CCT6B: variants seen among roughly 807,000 people sequenced by gnomAD.
CCT6B encodes probable T-complex protein 1 subunit zeta-2.
CCT6B carries 49 observed loss-of-function variants against 61.5 expected under a neutral mutation model. That is an observed-to-expected ratio of 0.80 (90% CI 0.63 to 1.01). The LOEUF (loss-of-function observed/expected upper bound fraction) is 1.01, where lower values mean the gene tolerates loss of function less well. Among genes scored for constraint, CCT6B ranks in the 50% least tolerant of loss-of-function variants. The pLI, the probability that CCT6B is intolerant of heterozygous loss-of-function variation, is 0.00. For synonymous variants in CCT6B, 228 were observed against 214.5 expected, an observed-to-expected ratio of 1.06 and a Z score of -0.55; for missense variants, 666 against 634.7, an observed-to-expected ratio of 1.05 and a Z score of -0.53.
At chr17:34,955,461 A>G (rs1029946602) in intron 3 of CCT6B, among the ~76,000 whole-genome samples, 5 of 152,228 alleles carry the variant, frequency 3.3e-5, no homozygotes, top group Admixed American at 2.0e-4. Flanking sequence ...GAAAAGAATA[A>G]GTACACTGAT....
intron 10 of CCT6B, among the ~76,000 whole-genome samples, chr17:34,935,275 A>C (rs572099170): frequency 6.6e-6 from 1 of 152,224 alleles, no homozygotes; most frequent in African/African-American, 2.4e-5. Context: ...GATATTGTTT[A>C]ATGGGTTCAG....
chr17:34,945,655 C>T (rs917983846), intron 5 of CCT6B, among the ~76,000 whole-genome samples: 3 of 152,136 alleles, frequency 2.0e-5, no homozygotes, highest in Non-Finnish European at 4.4e-5. Context: ...CCCAATCAGC[C>T]GTTTTGTGTG....
At chr17:34,952,298 A>G (rs888801954) in intron 4 of CCT6B, among the ~76,000 whole-genome samples, 7 of 152,242 alleles carry the variant, frequency 4.6e-5, no homozygotes, top group Non-Finnish European at 7.3e-5. Context: ...AAGGCAACTG[A>G]GATAAGACCT....
Position 34,942,775 on chromosome 17 carries a change from TAAAGAG to T in CCT6B, c.725+15_725+20del, listed in dbSNP as rs1288880328. ...TTTAGAAAAAAAAATTCAAAAGTTA[TAAAGAG>T]AAAGTAACACGCACGTTTTTTCATA... On this transcript the variant is annotated intron_variant, in intron 6 of 13. Transcript: ENST00000314144. 1 of 1,554,086 alleles carries T rather than the reference TAAAGAG, an allele frequency of 6.4e-7. No individual in the cohort carries two copies. The highest frequency in any genetic ancestry group is 1.2e-5 in the South Asian group (1 of 85,932).
chr17:34,941,501 A>G (rs2090163229), intron 7 of CCT6B, among the ~76,000 whole-genome samples: 1 of 152,248 alleles, frequency 6.6e-6, no homozygotes, highest in Admixed American at 6.5e-5. Context: ...CATGGCAGAT[A>G]CAAGTTTTCT....
intron 12 of CCT6B, among the ~76,000 whole-genome samples, chr17:34,930,707 C>T (rs1428810562): frequency 6.6e-6 from 1 of 152,184 alleles, no homozygotes; most frequent in Non-Finnish European, 1.5e-5. Flanking sequence ...CCCACTACAA[C>T]ATAAGCTCCC....
At chr17:34,941,069 A>C (rs1030588656) in intron 7 of CCT6B, among the ~76,000 whole-genome samples, 3 of 152,172 alleles carry the variant, frequency 2.0e-5, no homozygotes, top group Non-Finnish European at 4.4e-5. Context: ...TAAAGGGAGT[A>C]ATATTTTAAT....
intron 4 of CCT6B, among the ~76,000 whole-genome samples, chr17:34,953,672 G>A (rs971544573): frequency 1.3e-4 from 20 of 152,016 alleles, no homozygotes; most frequent in African/African-American, 4.8e-4. Context: ...CAAAACACTG[G>A]CCAGATGTGG....
At chr17:34,954,736 G>A in intron 3 of CCT6B, 137 bp from the exon 4 acceptor site, 1 of 629,540 alleles carries the variant, frequency 1.6e-6, no homozygotes, top group Non-Finnish European at 2.6e-6. Flanking sequence ...ATTTATAAAA[G>A]TCATTTTAGT....
rs1339230520 is a variant in CCT6B, at chr17:34,939,626, C to T, written c.1056G>A (p.Glu352=). 6.3e-7 allele frequency: 1 copy of T among 1,595,042 alleles called. No individual in the cohort carries two copies. The highest frequency in any genetic ancestry group is 1.3e-5 in the African/African-American group (1 of 74,548). Residue 352 remains glutamate, a synonymous_variant, in exon 9 of 14, where the codon GAG becomes GAA. Coordinates refer to ENST00000314144, the MANE Select transcript of CCT6B (RefSeq NM_006584.4). ...TCATAGAAATACTCACTAATGTATA[C>T]TCATACACAAGACCAGCATGTCCCA... ...DCLGHAGLVY[E]YTLGEEKFTF... is the part of the protein sequence containing the mutation.
chr17:34,934,024 G>A (rs2090066928), intron 10 of CCT6B, among the ~76,000 whole-genome samples: 1 of 151,714 alleles, frequency 6.6e-6, no homozygotes, highest in Admixed American at 6.6e-5. Context: ...AGCTACTTAG[G>A]AGGCTAAGGT....
At chr17:34,944,487 T>C (rs1371954746) in intron 5 of CCT6B, 1 of 152,226 alleles carries the variant, frequency 6.6e-6, no homozygotes, top group African/African-American at 2.4e-5. Flanking sequence ...CCCATTCCCA[T>C]ATTCCCTTCT....
rs2090002223 is a variant in CCT6B at position 34,928,978 on chromosome 17, G to T, written c.1507C>A (p.Gln503Lys). The T allele has an allele frequency of 6.3e-7, 1 of 1,598,838 alleles. No homozygotes were observed. The highest frequency in any genetic ancestry group is 8.6e-7 in the Non-Finnish European group (1 of 1,167,146). Reference sequence around the variant, plus strand: ...TGAACTTACCAAGAGTGAAGAAGTTGTTTTTTTACACAATAATTATCCCAA... The same window carrying T: ...TGAACTTACCAAGAGTGAAGAAGTTTTTTTTTTACACAATAATTATCCCAA... ...GVWDNYCVKK[Q>K]LLHSCTVIAT... Residue 503 changes from glutamine (Q) to lysine (K), a missense_variant, in exon 13 of 14, where the codon CAA (glutamine) becomes AAA (lysine). Physicochemically the swap from Gln to Lys is moderately conservative, Grantham distance 53. Transcript: ENST00000314144.
At chr17:34,933,167 ATC>A (rs769927380) in intron 10 of CCT6B, among the ~76,000 whole-genome samples, 9 of 152,186 alleles carry the variant, frequency 5.9e-5, no homozygotes, top group Non-Finnish European at 1.3e-4. Flanking sequence ...TTAGACCAAG[ATC>A]ATTTGTCTAG....
At chr17:34,950,364 G>C (rs1387020099) in intron 5 of CCT6B, among the ~76,000 whole-genome samples, 9 of 152,048 alleles carry the variant, frequency 5.9e-5, no homozygotes, top group Admixed American at 5.9e-4. Context: ...TAAAGAGAAA[G>C]ACACTGTGAA....
intron 7 of CCT6B, among the ~76,000 whole-genome samples, chr17:34,941,642 TTGTC>T (rs756857468): frequency 2.0e-5 from 3 of 152,206 alleles, no homozygotes; most frequent in Non-Finnish European, 4.4e-5. Context: ...TAACCACAGT[TTGTC>T]TGTCAGTCAT....
chr17:34,940,570 G>T lies in CCT6B; in HGVS notation c.937C>A (p.Leu313Ile). Residue 313 changes from leucine (L) to isoleucine (I), a missense_variant, in exon 8 of 14, where the codon CTT becomes ATT. By Grantham distance (5) the Leu-to-Ile change is conservative. Transcript: ENST00000314144. The part of the protein sequence containing the change: ...DSLAKHGIVA[L>I]RRAKRRNMER... ...ATATTTCTTCTTTTTGCTCTGCGAA[G>T]AGCTACTATTCCATGTTTTGCAAGA... The T allele has an allele frequency of 6.3e-7, 1 of 1,584,392 alleles. No homozygotes were observed. The highest frequency in any genetic ancestry group is 1.1e-5 in the South Asian group (1 of 87,218).
At chr17:34,939,550 T>C (rs1420595460) in intron 9 of CCT6B, 67 bp downstream of exon 9, 1 of 1,005,366 alleles carries the variant, frequency 9.9e-7, no homozygotes, top group Non-Finnish European at 1.5e-6. Context: ...AAAGGTCAAG[T>C]AGTATTTTTC....
intron 3 of CCT6B, among the ~76,000 whole-genome samples, chr17:34,956,209 C>T (rs1322180018): frequency 6.6e-6 from 1 of 152,180 alleles, no homozygotes; most frequent in Non-Finnish European, 1.5e-5. Context: ...GTTCACATCA[C>T]CTGAAATTCC....
Sources: gnomAD v4.1 joint callset for allele counts (sites outside exome capture counted in the v4.1 genomes callset) on GRCh38, gnomAD v4.1.1 for gene constraint, MANE v1.5 for transcripts, NCBI Gene and HGNC (gene_info 2026-07-23, HGNC 2026-07-21) for gene names.